Variants in UVRAG observed in about 807,000 individuals in gnomAD.
UVRAG encodes the protein UV radiation resistance-associated gene protein.
UVRAG carries 19 observed loss-of-function variants against 78.0 expected under a neutral mutation model. The observed-to-expected ratio is 0.24, with a 90% CI of 0.17 to 0.36. The LOEUF (loss-of-function observed/expected upper bound fraction) is 0.36. UVRAG is among the 10% of genes least tolerant of loss of function. UVRAG has a pLI of 1.00. For synonymous variants in UVRAG, 323 were observed against 324.6 expected, an observed-to-expected ratio of 1.00 and a Z score of 0.05; for missense variants, 740 against 853.8, an observed-to-expected ratio of 0.87 and a Z score of 1.66.
chr11:75,816,464 G>A (rs868608585), intron 1 of UVRAG, among the ~76,000 whole-genome samples: 12 of 152,204 alleles, frequency 7.9e-5, no homozygotes, highest in African/African-American at 2.9e-4. Context: ...AGAGGATCTA[G>A]AGAAACTGTC....
At chr11:75,908,916 C>A (rs1390496170) in intron 5 of UVRAG, among the ~76,000 whole-genome samples, 1 of 151,900 alleles carries the variant, frequency 6.6e-6, no homozygotes, top group Admixed American at 6.6e-5. Flanking sequence ...ATCTGATTTG[C>A]TGGAATACAA....
chr11:76,070,219 G>C (rs1311044924), intron 13 of UVRAG, among the ~76,000 whole-genome samples: 1 of 152,130 alleles, frequency 6.6e-6, no homozygotes, highest in Non-Finnish European at 1.5e-5. Context: ...AAGACTGTAT[G>C]ATCTCAGTCA....
At chr11:76,023,891 A>G (rs948771853) in intron 12 of UVRAG, among the ~76,000 whole-genome samples, 2 of 152,146 alleles carry the variant, frequency 1.3e-5, no homozygotes, top group African/African-American at 4.8e-5. Flanking sequence ...CTTTGGCTAT[A>G]TCTACTGTAC....
intron 2 of UVRAG, among the ~76,000 whole-genome samples, chr11:75,855,630 A>T (rs1349557967): frequency 6.6e-6 from 1 of 152,230 alleles, no homozygotes; most frequent in East Asian, 1.9e-4. Flanking sequence ...CTTGGTATAG[A>T]ACAACCATCA....
At chr11:76,047,455 C>G (rs921408647) in intron 12 of UVRAG, among the ~76,000 whole-genome samples, 6 of 152,174 alleles carry the variant, frequency 3.9e-5, no homozygotes, top group Admixed American at 2.6e-4. Context: ...CCCAGACACC[C>G]TTAATTTTAG....
At chr11:75,918,702 A>C (rs755420750) in intron 6 of UVRAG, among the ~76,000 whole-genome samples, 1 of 152,188 alleles carries the variant, frequency 6.6e-6, no homozygotes, top group East Asian at 1.9e-4. Context: ...TATTAGCCCT[A>C]TCGCAGTGTG....
chr11:76,134,659 GAAT>G (rs2134506213), intron 14 of UVRAG, among the ~76,000 whole-genome samples: 1 of 152,296 alleles, frequency 6.6e-6, no homozygotes, highest in East Asian at 1.9e-4. Flanking sequence ...TGTAAAATGA[GAAT>G]AATACTTGGA....
At chr11:75,983,257 A>G (rs1216682328) in intron 7 of UVRAG, 130 bp from the exon 8 acceptor site, 11 of 772,858 alleles carry the variant, frequency 1.4e-5, no homozygotes, top group East Asian at 3.0e-5. Context: ...AAGTTACTCA[A>G]GAGTTCCATA....
intron 14 of UVRAG, chr11:76,137,721 A>G (rs1591275940): frequency 6.6e-6 from 2 of 301,590 alleles, no homozygotes; most frequent in East Asian, 1.7e-4. Flanking sequence ...CAAGATGATG[A>G]GATCCTGTCT....
At chr11:76,037,231 A>T (rs1950550668) in intron 12 of UVRAG, among the ~76,000 whole-genome samples, 1 of 152,152 alleles carries the variant, frequency 6.6e-6, no homozygotes, top group South Asian at 2.1e-4. Context: ...AACAAAACAT[A>T]TGCAAGCTGA....
At chr11:75,901,090 G>A (rs905032957) in intron 5 of UVRAG, among the ~76,000 whole-genome samples, 8 of 152,072 alleles carry the variant, frequency 5.3e-5, no homozygotes, top group Non-Finnish European at 1.2e-4. Context: ...AGTTTTATTC[G>A]GCTTAAACTT....
intron 6 of UVRAG, 102 bp from the exon 7 acceptor site, chr11:75,961,342 T>C: frequency 1.2e-6 from 1 of 819,330 alleles, no homozygotes; most frequent in Non-Finnish European, 1.9e-6. Context: ...ATTGAGTTCA[T>C]TATTAATTCT....
chr11:75,826,693 C>CTTTTT (rs11289695), intron 1 of UVRAG, among the ~76,000 whole-genome samples: 1 of 133,228 alleles, frequency 7.5e-6, no homozygotes. Context: ...CCATGCCTAT[C>CTTTTT]TTTTTTTTTT....
At chr11:75,906,861 G>C (rs1947627235) in intron 5 of UVRAG, among the ~76,000 whole-genome samples, 1 of 152,160 alleles carries the variant, frequency 6.6e-6, no homozygotes, top group African/African-American at 2.4e-5. Context: ...TGGATTCTCA[G>C]TTCTATTTTG....
intron 14 of UVRAG, among the ~76,000 whole-genome samples, chr11:76,126,266 A>T (rs1952391701): frequency 6.6e-6 from 1 of 152,194 alleles, no homozygotes; most frequent in Admixed American, 6.5e-5. Context: ...TAAAAAGCTA[A>T]AAATAAACAG....
intron 1 of UVRAG, among the ~76,000 whole-genome samples, chr11:75,818,051 C>T (rs376027799): frequency 1.7e-4 from 26 of 150,158 alleles, no homozygotes; most frequent in African/African-American, 5.8e-4. Context: ...CAGAGTGAGA[C>T]TCTATCTAAA....
rs922444408 is a variant in UVRAG at position 75,957,658 on chromosome 11, C to T, written c.594-3786C>T. Among the ~76,000 whole-genome samples, 7 of 152,170 alleles carry T rather than the reference C, an allele frequency of 4.6e-5. No homozygotes were observed. The South Asian group carries it at 6.2e-4, about 14-fold the overall frequency. On this transcript the variant is annotated intron_variant, in intron 6 of 14. Coordinates refer to ENST00000356136, the MANE Select transcript of UVRAG (RefSeq NM_003369.4). ...TGACAACTTAACAATATAGAATCTT[C>T]CAGTCCATGTACATGTATTTTTTAC...
At chr11:75,876,893 C>A (rs1946794212) in intron 3 of UVRAG, among the ~76,000 whole-genome samples, 1 of 150,324 alleles carries the variant, frequency 6.7e-6, no homozygotes, top group African/African-American at 2.5e-5. Context: ...GTGTTTCTCA[C>A]AGAGGGGGAT....
intron 6 of UVRAG, among the ~76,000 whole-genome samples, chr11:75,946,774 A>C (rs1042198083): frequency 1.3e-5 from 2 of 152,190 alleles, no homozygotes; most frequent in Non-Finnish European, 2.9e-5. Flanking sequence ...TCATGCTTCA[A>C]ATCTCTTCTT....
Sources: allele counts gnomAD v4.1 joint callset (sites outside exome capture counted in the v4.1 genomes callset), GRCh38; gene constraint gnomAD v4.1.1; transcripts MANE v1.5; gene names NCBI Gene and HGNC (gene_info 2026-07-23, HGNC 2026-07-21).